The following EPHA3 variants were observed in gnomAD, a reference collection of about 807,000 sequenced individuals.
EPHA3 encodes ephrin type-A receptor 3.
EPHA3 carries 42 observed loss-of-function variants against 107.1 expected under a neutral mutation model. That is an observed-to-expected ratio of 0.39 (90% CI 0.31 to 0.51). The LOEUF (loss-of-function observed/expected upper bound fraction) is 0.51. EPHA3 is among the 20% of genes least tolerant of loss of function. The probability of loss-of-function intolerance (pLI) is 0.78; values close to 1 mark genes in which losing one functional copy is unlikely to be tolerated. For missense variants in EPHA3, 1,183 were observed against 1,211.2 expected, an observed-to-expected ratio of 0.98 and a Z score of 0.35; for synonymous variants, 461 against 424.8, an observed-to-expected ratio of 1.09 and a Z score of -1.05.
intron 1 of EPHA3, among the ~76,000 whole-genome samples, chr3:89,108,153 A>C (rs903242398): frequency 1.4e-4 from 21 of 152,222 alleles, no homozygotes; most frequent in African/African-American, 4.8e-4. Flanking sequence ...TAATTGCCAA[A>C]TAGCCAAGGC....
rs373316357 is a variant in EPHA3, at chr3:89,478,108, G to A, written c.2847-1289G>A. 9.6e-4 allele frequency among the ~76,000 whole-genome samples: 146 copies of A among 152,192 alleles called. 1 individual carries two copies. Among genetic ancestry groups the A allele is most frequent in the African/African-American group, 3.4e-3 (143 of 41,544 alleles). On this transcript the variant is annotated intron_variant, in intron 16 of 16. Transcript: ENST00000336596. ...TATATGAACTAATTACTTGAAACAA[G>A]AATATATAATTAACCATTTGCACAT...
intron 13 of EPHA3, among the ~76,000 whole-genome samples, chr3:89,440,824 T>C (rs767806132): frequency 6.6e-6 from 1 of 152,236 alleles, no homozygotes; most frequent in Non-Finnish European, 1.5e-5. Flanking sequence ...TTACCTTTTC[T>C]GTAAAACTCT....
At position 89,241,838 on chromosome 3, in the gene EPHA3, T is replaced by C. The variant is rs1704902776; in HGVS notation, c.814+31318T>C. 3.3e-5 allele frequency among the ~76,000 whole-genome samples: 5 copies of C among 152,302 alleles called. No homozygotes were observed. The South Asian group carries it at 1.0e-3, about 32-fold the overall frequency. On this transcript the variant is annotated intron_variant, in intron 3 of 16. Transcript: ENST00000336596. ...TGAAACAGAAGATTAAAAGAAAACA[T>C]ATTTTAAGAAATAAACTAATTGTTT...
chr3:89,195,516 A>G (rs1425085667), intron 2 of EPHA3, among the ~76,000 whole-genome samples: 4 of 152,186 alleles, frequency 2.6e-5, no homozygotes, highest in Non-Finnish European at 5.9e-5. Flanking sequence ...AAAATGGTCA[A>G]TATGATTATC....
At chr3:89,292,872 CTG>C (rs1385310915) in intron 3 of EPHA3, among the ~76,000 whole-genome samples, 44 of 152,284 alleles carry the variant, frequency 2.9e-4, no homozygotes, top group Non-Finnish European at 5.3e-4. Context: ...TTATGGAAGA[CTG>C]GGCTGGCTAA....
At chr3:89,371,532 C>T (rs993901316) in intron 5 of EPHA3, among the ~76,000 whole-genome samples, 2 of 151,548 alleles carry the variant, frequency 1.3e-5, no homozygotes, top group African/African-American at 2.4e-5. Flanking sequence ...ATTTGTATTC[C>T]TTATAAGGAG....
chr3:89,230,824 T>A (rs13085201), intron 3 of EPHA3, among the ~76,000 whole-genome samples: 1,575 of 139,558 alleles, frequency 0.011, 22 homozygotes, highest in East Asian at 0.062. Flanking sequence ...TCTCTCTCTC[T>A]CACACACACA....
At position 89,479,578 on chromosome 3, in the gene EPHA3, A is replaced by T; in HGVS notation, c.*76A>T. 9.0e-7 allele frequency: 1 copy of T among 1,112,988 alleles called. No individual in the cohort carries two copies. Among genetic ancestry groups the T allele is most frequent in the Non-Finnish European group, 1.4e-6 (1 of 739,872 alleles). 68.9% of individuals were successfully genotyped at this position (1,112,988 alleles called of 1,614,324 possible). On this transcript the variant is annotated 3_prime_UTR_variant, in exon 17 of 17. Coordinates refer to ENST00000336596, the MANE Select transcript of EPHA3 (RefSeq NM_005233.6). ...AGCATCATCCTGCAGACAGACAATA[A>T]TTCTGGAGATACTGGTGGAAGTTCC... is the stretch of plus-strand genomic sequence containing the variant.
At chr3:89,356,435 T>A (rs919771348) in intron 5 of EPHA3, among the ~76,000 whole-genome samples, 5 of 151,168 alleles carry the variant, frequency 3.3e-5, no homozygotes, top group African/African-American at 1.2e-4. Context: ...TTTGGACTAG[T>A]TTACAGTCCC....
rs1364727690 is a variant in EPHA3, at chr3:89,431,194, T to C, written c.2181T>C (p.Leu727=). ...QFTVIQLVGM[L]RGIASGMKYL... is the part of the protein sequence containing the mutation. ...CTGTCATTCAGCTAGTGGGGATGCT[T>C]CGAGGGATAGCATCTGGCATGAAGT... Residue 727 remains leucine, a synonymous_variant, in exon 13 of 17, where the codon CTT becomes CTC. Transcript: ENST00000336596. 1 of 1,613,746 alleles carries C rather than the reference T, an allele frequency of 6.2e-7. No homozygotes were observed. The highest frequency in any genetic ancestry group is 8.5e-7 in the Non-Finnish European group (1 of 1,179,926).
intron 3 of EPHA3, among the ~76,000 whole-genome samples, chr3:89,287,478 A>G (rs1253815740): frequency 6.6e-6 from 1 of 152,092 alleles, no homozygotes; most frequent in Non-Finnish European, 1.5e-5. Context: ...CGAGGTTTGG[A>G]GATTTTCATG....
chr3:89,415,401 A>G (rs903133959), intron 10 of EPHA3, among the ~76,000 whole-genome samples: 4 of 148,456 alleles, frequency 2.7e-5, no homozygotes, highest in Non-Finnish European at 4.5e-5. Flanking sequence ...ACTGGCTTCC[A>G]TTGTTAGAAA....
At chr3:89,476,274 A>C (rs989670837) in intron 16 of EPHA3, among the ~76,000 whole-genome samples, 1 of 148,336 alleles carries the variant, frequency 6.7e-6, no homozygotes, top group Non-Finnish European at 1.5e-5. Context: ...CAGAATGTAA[A>C]ACAGTTTTTT....
intron 3 of EPHA3, among the ~76,000 whole-genome samples, chr3:89,237,928 A>G (rs753128090): frequency 2.6e-5 from 4 of 151,808 alleles, no homozygotes; most frequent in Admixed American, 1.3e-4. Context: ...GAAGTTAGCT[A>G]TGATTGCACC....
At chr3:89,203,220 GA>G (rs1706013875) in intron 2 of EPHA3, among the ~76,000 whole-genome samples, 1 of 150,962 alleles carries the variant, frequency 6.6e-6, no homozygotes, top group Non-Finnish European at 1.5e-5. Flanking sequence ...TAGAATGTTA[GA>G]ATCACCTAGG....
chr3:89,324,644 A>C (rs1020137843), intron 3 of EPHA3, among the ~76,000 whole-genome samples: 9 of 152,134 alleles, frequency 5.9e-5, no homozygotes, highest in African/African-American at 2.2e-4. Context: ...AAATGATTAC[A>C]AAAACATATC....
chr3:89,136,330 C>CTTTTGTTTTTTTTTTTTTTTT (rs1704310011), intron 2 of EPHA3, among the ~76,000 whole-genome samples: 1 of 23,368 alleles, frequency 4.3e-5, no homozygotes, highest in Non-Finnish European at 7.8e-5. Context: ...ATCTTACAGG[C>CTTTTGTTTTTTTTTTTTTTTT]TTTTTTTTTT....
At chr3:89,441,814 A>G (rs1156732475) in intron 13 of EPHA3, among the ~76,000 whole-genome samples, 1 of 152,158 alleles carries the variant, frequency 6.6e-6, no homozygotes, top group African/African-American at 2.4e-5. Context: ...TTAGTTTGAT[A>G]GTCTCAGAAC....
At chr3:89,314,645 A>T (rs962581926) in intron 3 of EPHA3, among the ~76,000 whole-genome samples, 2 of 152,000 alleles carry the variant, frequency 1.3e-5, no homozygotes, top group African/African-American at 4.8e-5. Flanking sequence ...GCATTCAGCT[A>T]TCTGGCACCT....
Sources: allele counts gnomAD v4.1 joint callset (sites outside exome capture counted in the v4.1 genomes callset), GRCh38; gene constraint gnomAD v4.1.1; transcripts MANE v1.5; gene names NCBI Gene and HGNC (gene_info 2026-07-23, HGNC 2026-07-21).